FSTL5: variants seen among roughly 807,000 people sequenced by gnomAD.
FSTL5 encodes the protein follistatin-related protein 5.
Under a neutral mutation model 89.1 loss-of-function variants are expected in FSTL5, and 62 were observed. The ratio of observed to expected loss-of-function variants is 0.70; its 90% CI spans 0.57 to 0.86. FSTL5 has a LOEUF of 0.86. Ranked by LOEUF, FSTL5 falls within the 40% of genes least tolerant of loss-of-function variation. The probability of loss-of-function intolerance (pLI) is 0.00; values close to 1 mark genes in which losing one functional copy is unlikely to be tolerated. For missense variants in FSTL5, 1,057 were observed against 1,001.6 expected (o/e 1.06, Z -0.75); for synonymous variants, 383 against 346.2 (o/e 1.11, Z -1.18).
At chr4:161,769,595 T>A (rs1315763710) in intron 5 of FSTL5, among the ~76,000 whole-genome samples, 1 of 152,078 alleles carries the variant, frequency 6.6e-6, no homozygotes, top group Non-Finnish European at 1.5e-5. Context: ...GCATATAATC[T>A]TGTCAATTTG....
chr4:162,084,115 T>C (rs1730211443), intron 2 of FSTL5, among the ~76,000 whole-genome samples: 1 of 151,890 alleles, frequency 6.6e-6, no homozygotes, highest in Non-Finnish European at 1.5e-5. Context: ...TTATAATAAA[T>C]AAAATTGTAG....
intron 7 of FSTL5, among the ~76,000 whole-genome samples, chr4:161,619,037 A>G (rs1382408463): frequency 2.0e-5 from 3 of 152,302 alleles, no homozygotes; most frequent in South Asian, 2.1e-4. Flanking sequence ...ATAACGCTGC[A>G]TATCTACAAC....
At chr4:162,019,274 T>C (rs1234594705) in intron 3 of FSTL5, among the ~76,000 whole-genome samples, 8 of 152,172 alleles carry the variant, frequency 5.3e-5, no homozygotes. Context: ...TAGCTAATCA[T>C]AACATATGAT....
intron 2 of FSTL5, among the ~76,000 whole-genome samples, chr4:162,056,493 A>T (rs1486866012): frequency 6.6e-6 from 1 of 151,302 alleles, no homozygotes; most frequent in African/African-American, 2.5e-5. Context: ...CATTGTATGA[A>T]CATTCTGTCC....
intron 2 of FSTL5, among the ~76,000 whole-genome samples, chr4:162,097,473 T>G (rs1313722617): frequency 6.6e-6 from 1 of 151,866 alleles, no homozygotes; most frequent in Non-Finnish European, 1.5e-5. Context: ...GTATGGACTT[T>G]TATTGTCATA....
intron 7 of FSTL5, among the ~76,000 whole-genome samples, chr4:161,653,776 C>G (rs1560772634): frequency 6.6e-6 from 1 of 152,052 alleles, no homozygotes; most frequent in Non-Finnish European, 1.5e-5. Flanking sequence ...CATAATTTGA[C>G]TGTTGAAACT....
At chr4:161,607,296 A>G (rs1382200727) in intron 7 of FSTL5, among the ~76,000 whole-genome samples, 1 of 152,194 alleles carries the variant, frequency 6.6e-6, no homozygotes, top group Admixed American at 6.5e-5. Context: ...GCTAAATTTT[A>G]TAATTCTTTT....
intron 2 of FSTL5, among the ~76,000 whole-genome samples, chr4:162,084,557 A>T (rs907030355): frequency 5.3e-5 from 8 of 152,130 alleles, no homozygotes; most frequent in Non-Finnish European, 7.4e-5. Flanking sequence ...GATAAAGAAA[A>T]TATGGCACAT....
At chr4:161,670,785 G>A (rs960549357) in intron 6 of FSTL5, among the ~76,000 whole-genome samples, 2 of 152,154 alleles carry the variant, frequency 1.3e-5, no homozygotes, top group Non-Finnish European at 2.9e-5. Flanking sequence ...CAAAGACTGG[G>A]CCTTAACTAT....
At chr4:161,896,353 T>C (rs1314047340) in intron 4 of FSTL5, among the ~76,000 whole-genome samples, 1 of 152,188 alleles carries the variant, frequency 6.6e-6, no homozygotes, top group Non-Finnish European at 1.5e-5. Flanking sequence ...TTCCAGAAAT[T>C]ATCATGCTAT....
chr4:161,948,412 T>C (rs1047586419), intron 3 of FSTL5, among the ~76,000 whole-genome samples: 10 of 151,538 alleles, frequency 6.6e-5, no homozygotes, highest in African/African-American at 2.4e-4. Flanking sequence ...TGTTTTCAGC[T>C]CTTGTTTCCA....
At chr4:161,435,574 A>T (rs1016244921) in intron 15 of FSTL5, among the ~76,000 whole-genome samples, 1 of 151,492 alleles carries the variant, frequency 6.6e-6, no homozygotes, top group Non-Finnish European at 1.5e-5. Flanking sequence ...TAACTAAAAG[A>T]GTATAACTGG....
intron 13 of FSTL5, among the ~76,000 whole-genome samples, chr4:161,475,115 G>A (rs1006202012): frequency 2.0e-5 from 3 of 149,282 alleles, no homozygotes; most frequent in Admixed American, 6.7e-5. Context: ...AAATCTGATA[G>A]CAATCTTATT....
intron 5 of FSTL5, among the ~76,000 whole-genome samples, chr4:161,769,195 A>G (rs1741122234): frequency 6.6e-6 from 1 of 152,000 alleles, no homozygotes; most frequent in Non-Finnish European, 1.5e-5. Flanking sequence ...TGAAGCTGTA[A>G]TAAAAATTCC....
At chr4:161,707,686 C>T (rs1738628966) in intron 6 of FSTL5, among the ~76,000 whole-genome samples, 1 of 151,810 alleles carries the variant, frequency 6.6e-6, no homozygotes, top group South Asian at 2.1e-4. Context: ...TTTGCTAGGA[C>T]ATTTTCCTCT....
rs1398371206 is a variant in FSTL5, at chr4:161,575,885, G to C, written c.1015+11570C>G. ...GAAGAAAGGAAGTAAAATTGTCTCTGTTTGGAGATGACATGATTGTATATT... is the reference window on the plus strand; with the variant it reads ...GAAGAAAGGAAGTAAAATTGTCTCTCTTTGGAGATGACATGATTGTATATT... On this transcript the variant is annotated intron_variant, in intron 8 of 15. Coordinates refer to ENST00000306100, the MANE Select transcript of FSTL5 (RefSeq NM_020116.5). Among the ~76,000 whole-genome samples, 12 of 152,144 alleles carry C rather than the reference G, an allele frequency of 7.9e-5. No individual in the cohort carries two copies. In the East Asian group the frequency reaches 2.3e-3, roughly 29 times the overall value.
At chr4:161,910,075 A>G (rs1733647584) in intron 4 of FSTL5, among the ~76,000 whole-genome samples, 1 of 152,050 alleles carries the variant, frequency 6.6e-6, no homozygotes. Context: ...TTCCAAATCA[A>G]TGTTCATTTC....
intron 1 of FSTL5, among the ~76,000 whole-genome samples, chr4:162,150,165 CTA>C (rs34952891): frequency 0.042 from 6,367 of 152,094 alleles, 143 homozygotes; most frequent in Admixed American, 0.05. Context: ...CAAGTGCTTC[CTA>C]GAAAGACATA....
At chr4:162,068,916 T>G (rs1238215768) in intron 2 of FSTL5, among the ~76,000 whole-genome samples, 2 of 151,962 alleles carry the variant, frequency 1.3e-5, no homozygotes, top group African/African-American at 4.8e-5. Flanking sequence ...AAGAAGACAT[T>G]TTTGTGGCCA....
Sources: allele counts gnomAD v4.1 joint callset (sites outside exome capture counted in the v4.1 genomes callset), GRCh38; gene constraint gnomAD v4.1.1; transcripts MANE v1.5; gene names NCBI Gene and HGNC (gene_info 2026-07-23, HGNC 2026-07-21).